The following L3MBTL4 variants were observed in gnomAD, a reference collection of about 807,000 sequenced individuals.
L3MBTL4 encodes lethal(3)malignant brain tumor-like protein 4.
A neutral mutation model predicts 84.5 loss-of-function variants in L3MBTL4; 70 were observed. The ratio of observed to expected loss-of-function variants is 0.83; its 90% confidence interval spans 0.68 to 1.01. The LOEUF (loss-of-function observed/expected upper bound fraction) is 1.01, where lower values mean the gene tolerates loss of function less well. L3MBTL4 is among the 50% of genes least tolerant of loss of function. The pLI, the probability that L3MBTL4 is intolerant of heterozygous loss-of-function variation, is 0.00. For synonymous variants in L3MBTL4, 274 were observed against 259.8 expected (o/e 1.05, Z -0.52); for missense variants, 715 against 754.8 (o/e 0.95, Z 0.62).
chr18:6,118,343 G>A (rs932721013), intron 14 of L3MBTL4, among the ~76,000 whole-genome samples: 15 of 152,014 alleles, frequency 9.9e-5, no homozygotes, highest in African/African-American at 2.2e-4. Context: ...ACCTTTCCCC[G>A]GAAACTTTTC....
intron 16 of L3MBTL4, among the ~76,000 whole-genome samples, chr18:6,011,087 ACT>A (rs1412397776): frequency 6.6e-6 from 1 of 152,148 alleles, no homozygotes; most frequent in Admixed American, 6.5e-5. Context: ...AATTATGCAG[ACT>A]CTGTTGTTGT....
chr18:6,265,685 A>G (rs2048599157), intron 4 of L3MBTL4, among the ~76,000 whole-genome samples: 1 of 148,474 alleles, frequency 6.7e-6, no homozygotes, highest in Non-Finnish European at 1.5e-5. Context: ...GCTAAGTGAA[A>G]TAAGTTAGGC....
chr18:6,324,758 C>T (rs982666684), intron 1 of L3MBTL4, among the ~76,000 whole-genome samples: 1 of 151,814 alleles, frequency 6.6e-6, no homozygotes, highest in Non-Finnish European at 1.5e-5. Flanking sequence ...GATCATCAGC[C>T]CAATCATGAG....
intron 14 of L3MBTL4, among the ~76,000 whole-genome samples, chr18:6,135,880 A>G (rs2060012884): frequency 6.6e-6 from 1 of 152,148 alleles, no homozygotes; most frequent in South Asian, 2.1e-4. Context: ...CTCTAATGGT[A>G]CCAATTGTAC....
chr18:6,093,492 TTTCAAG>T lies in L3MBTL4; in HGVS notation c.1230_1235del (p.Asn410_Leu411del), dbSNP rs750804263. The T allele has an allele frequency of 6.2e-7, 1 of 1,613,778 alleles. No homozygotes were observed. Among genetic ancestry groups the T allele is most frequent in the Non-Finnish European group, 8.5e-7 (1 of 1,179,934 alleles). On this transcript the variant is annotated inframe_deletion, in exon 15 of 19. Coordinates refer to ENST00000317931, the MANE Select transcript of L3MBTL4 (RefSeq NM_001330559.2). The stretch of plus-strand genomic sequence containing the variant: ...AACGATCGTGAAGTGTTGCCTCCTT[TTTCAAG>T]TTCATGTCTGAATACGGGCAGCCAA...
At chr18:6,279,382 C>T (rs1308531757) in intron 4 of L3MBTL4, among the ~76,000 whole-genome samples, 4 of 152,062 alleles carry the variant, frequency 2.6e-5, no homozygotes, top group African/African-American at 9.6e-5. Context: ...CTCACTTGAA[C>T]GTCAGATGGG....
At chr18:5,975,248 T>C (rs2052856527) in intron 16 of L3MBTL4, among the ~76,000 whole-genome samples, 1 of 152,208 alleles carries the variant, frequency 6.6e-6, no homozygotes, top group South Asian at 2.1e-4. Context: ...TGAGTTATTT[T>C]TAATCCCACT....
intron 16 of L3MBTL4, among the ~76,000 whole-genome samples, chr18:5,978,681 T>C (rs1048089025): frequency 6.6e-6 from 1 of 152,228 alleles, no homozygotes; most frequent in African/African-American, 2.4e-5. Context: ...TACTCCCTTA[T>C]ACATCTGTGA....
At chr18:6,411,510 G>A (rs182130908) in intron 1 of L3MBTL4, among the ~76,000 whole-genome samples, 73 of 152,130 alleles carry the variant, frequency 4.8e-4, no homozygotes, top group Non-Finnish European at 8.2e-4. Context: ...TCTTCTCAGC[G>A]CCTATTTTTT....
intron 1 of L3MBTL4, among the ~76,000 whole-genome samples, chr18:6,313,115 A>G (rs2050916888): frequency 6.6e-6 from 1 of 152,120 alleles, no homozygotes; most frequent in African/African-American, 2.4e-5. Flanking sequence ...TTGTTTGCAG[A>G]TATGCCTCCC....
chr18:6,405,021 T>C (rs1240803132), intron 1 of L3MBTL4, among the ~76,000 whole-genome samples: 1 of 152,188 alleles, frequency 6.6e-6, no homozygotes, highest in African/African-American at 2.4e-5. Context: ...TTTGTATTTT[T>C]GCTGACATGT....
At chr18:6,101,652 C>T (rs763731702) in intron 14 of L3MBTL4, among the ~76,000 whole-genome samples, 1 of 152,196 alleles carries the variant, frequency 6.6e-6, no homozygotes, top group Non-Finnish European at 1.5e-5. Flanking sequence ...AACCTGCAGA[C>T]TCGAATCCAC....
At chr18:6,143,617 T>A (rs2060258617) in intron 13 of L3MBTL4, among the ~76,000 whole-genome samples, 1 of 152,226 alleles carries the variant, frequency 6.6e-6, no homozygotes, top group East Asian at 1.9e-4. Context: ...AATTTGGATA[T>A]TTAGACAATT....
intron 10 of L3MBTL4, among the ~76,000 whole-genome samples, chr18:6,227,078 A>G (rs2145944755): frequency 6.6e-6 from 1 of 152,312 alleles, no homozygotes; most frequent in South Asian, 2.1e-4. Context: ...AAAGGGGACA[A>G]TTCTTTAAGA....
intron 16 of L3MBTL4, among the ~76,000 whole-genome samples, chr18:6,066,332 A>G (rs1292187043): frequency 6.6e-6 from 1 of 151,980 alleles, no homozygotes; most frequent in African/African-American, 2.4e-5. Flanking sequence ...TATATTCTGT[A>G]TTTGGGAAGA....
intron 5 of L3MBTL4, chr18:6,259,909 T>G (rs562974484): frequency 1.3e-5 from 2 of 152,350 alleles, no homozygotes; most frequent in Admixed American, 6.5e-5. Context: ...TTTAGAACTC[T>G]TATAGTTTGA....
chr18:6,113,219 G>C (rs1401806595), intron 14 of L3MBTL4, among the ~76,000 whole-genome samples: 1 of 152,010 alleles, frequency 6.6e-6, no homozygotes, highest in Non-Finnish European at 1.5e-5. Flanking sequence ...GGAGTCTTGG[G>C]AAAAACAAAG....
At chr18:6,237,455 T>C (rs986171597) in intron 10 of L3MBTL4, among the ~76,000 whole-genome samples, 7 of 133,868 alleles carry the variant, frequency 5.2e-5, no homozygotes, top group Non-Finnish European at 9.6e-5. Context: ...CTTTTTTTTT[T>C]TTTTTTTTTT....
intron 16 of L3MBTL4, among the ~76,000 whole-genome samples, chr18:5,983,440 C>T (rs1018381518): frequency 1.3e-5 from 2 of 152,090 alleles, no homozygotes; most frequent in East Asian, 1.9e-4. Context: ...CAACACAACC[C>T]TTTTCTTAAT....
Sources: allele counts gnomAD v4.1 joint callset (sites outside exome capture counted in the v4.1 genomes callset), GRCh38; gene constraint gnomAD v4.1.1; transcripts MANE v1.5; gene names NCBI Gene and HGNC (gene_info 2026-07-23, HGNC 2026-07-21).